Variants in WDR20 observed in about 807,000 individuals in gnomAD.
WDR20 encodes WD repeat domain 20.
In WDR20, 3 loss-of-function variants were observed where a neutral mutation model predicts 38.7. The observed-to-expected ratio is 0.08, with a 90% confidence interval of 0.04 to 0.20. WDR20 has a LOEUF of 0.20. Among genes scored for constraint, WDR20 ranks in the 10% least tolerant of loss-of-function variants. The pLI is 1.00. For synonymous variants in WDR20, 298 were observed against 285.6 expected (o/e 1.04, Z -0.44); for missense variants, 559 against 727.7 (o/e 0.77, Z 2.67).
chr14:102,219,786 A>G (rs180963432), downstream of WDR20, among the ~76,000 whole-genome samples: 42 of 152,360 alleles, frequency 2.8e-4, no homozygotes, highest in East Asian at 6.6e-3. Flanking sequence ...CTGCCATCAA[A>G]AGGGCGAAGC....
intron 1 of WDR20, among the ~76,000 whole-genome samples, chr14:102,160,128 G>A (rs2058314482): frequency 2.0e-5 from 3 of 150,862 alleles, no homozygotes; most frequent in Admixed American, 6.6e-5. Context: ...AAACTTGAAT[G>A]CGCTCAAATT....
At position 102,221,234 on chromosome 14, in the gene WDR20, C is replaced by T. The variant is rs1229616466; in HGVS notation, c.1693-1596C>T. 4.6e-5 allele frequency among the ~76,000 whole-genome samples: 7 copies of T among 152,364 alleles called. No homozygotes were observed. In the East Asian group the frequency reaches 1.3e-3, roughly 29 times the overall value. The stretch of plus-strand genomic sequence containing the variant: ...TGGCCCCTCTCCGTCTGTCCCCAGG[C>T]TGGGTCACCACCACTTTCTCCCTCT... On this transcript the variant is annotated intron_variant, in intron 3 of 3. Transcript: ENST00000335263. The surrounding 1 kb of genome is among the most constrained non-coding windows in gnomAD (Gnocchi z 4.8).
At chr14:102,213,352 G>C, downstream of WDR20, 1 of 985,436 alleles carries the variant, frequency 1.0e-6, no homozygotes. Context: ...AGTAGCCTTG[G>C]GGTCGAAATT....
chr14:102,182,385 T>G (rs1489283430), intron 1 of WDR20, among the ~76,000 whole-genome samples: 1 of 152,198 alleles, frequency 6.6e-6, no homozygotes, highest in Non-Finnish European at 1.5e-5. Flanking sequence ...TTAAATAATT[T>G]TCCTGGCCTC....
At chr14:102,159,231 C>T (rs548377378) in intron 1 of WDR20, among the ~76,000 whole-genome samples, 51 of 152,114 alleles carry the variant, frequency 3.4e-4, no homozygotes, top group African/African-American at 1.1e-3. Context: ...CATGAGCCAC[C>T]GCACCCAGCC....
At chr14:102,141,000 C>G (rs1045695827) in intron 1 of WDR20, among the ~76,000 whole-genome samples, 24 of 152,140 alleles carry the variant, frequency 1.6e-4, no homozygotes, top group African/African-American at 5.8e-4. Flanking sequence ...AAGGGACCAT[C>G]CTTCTTGGCG....
downstream of WDR20, among the ~76,000 whole-genome samples, chr14:102,219,242 G>C (rs950364417): frequency 6.6e-6 from 1 of 152,220 alleles, no homozygotes; most frequent in Non-Finnish European, 1.5e-5. Context: ...ATTCTCTTTT[G>C]AATGGCGCTT....
At chr14:102,201,638 G>A (rs1445713447) in intron 2 of WDR20, among the ~76,000 whole-genome samples, 1 of 152,216 alleles carries the variant, frequency 6.6e-6, no homozygotes, top group Non-Finnish European at 1.5e-5. Context: ...AGCGTTGAGT[G>A]GAGACATGGA....
At chr14:102,185,846 T>C (rs982068996) in intron 1 of WDR20, among the ~76,000 whole-genome samples, 1 of 152,076 alleles carries the variant, frequency 6.6e-6, no homozygotes, top group Non-Finnish European at 1.5e-5. Flanking sequence ...ATATATTTGC[T>C]TTTATATACA....
chr14:102,155,637 T>G (rs575698124), intron 1 of WDR20, among the ~76,000 whole-genome samples: 1 of 152,338 alleles, frequency 6.6e-6, no homozygotes, highest in African/African-American at 2.4e-5. Context: ...GAGGGTAGCC[T>G]GAATGGGAAA....
intron 1 of WDR20, among the ~76,000 whole-genome samples, chr14:102,187,055 T>G (rs1022725988): frequency 6.6e-6 from 1 of 152,164 alleles, no homozygotes; most frequent in Non-Finnish European, 1.5e-5. Context: ...GTTCCACTTC[T>G]TTTCTAGTAG....
At chr14:102,212,705 C>A, downstream of WDR20, 2 of 1,487,112 alleles carry the variant, frequency 1.3e-6, no homozygotes, top group South Asian at 1.3e-5. Flanking sequence ...GGGGTGGCCG[C>A]GGTGGTTCCT....
At position 102,207,111 on chromosome 14, in the gene WDR20, TATTA is replaced by T. The variant is rs988106076; in HGVS notation, c.433-1488_433-1485del. Among the ~76,000 whole-genome samples, 15 of 152,206 alleles carry T rather than the reference TATTA, an allele frequency of 9.9e-5. No individual in the cohort carries two copies. The highest frequency in any genetic ancestry group is 1.9e-4 in the Non-Finnish European group (13 of 68,038). ...CCCCAAGGCTGGCTTGCCACGTGCC[TATTA>T]ATTTAAGAGGACCAGCCATGCCGTT... On this transcript the variant is annotated intron_variant, in intron 2 of 2. Transcript: ENST00000342702. The surrounding 1 kb of genome is among the most constrained non-coding windows in gnomAD (Gnocchi z 5.0).
At chr14:102,171,278 T>G (rs1334228048) in intron 1 of WDR20, 1 of 144,876 alleles carries the variant, frequency 6.9e-6, no homozygotes, top group East Asian at 1.9e-4. Context: ...TTTTTTTTTT[T>G]TAGGAGACAG....
chr14:102,153,787 T>C (rs920118444), intron 1 of WDR20, among the ~76,000 whole-genome samples: 1 of 152,224 alleles, frequency 6.6e-6, no homozygotes, highest in Non-Finnish European at 1.5e-5. Context: ...GCTGGCTCCT[T>C]CTTGCTGTTT....
intron 2 of WDR20, among the ~76,000 whole-genome samples, chr14:102,200,036 C>T (rs72698547): frequency 7.2e-5 from 11 of 152,332 alleles, no homozygotes; most frequent in Non-Finnish European, 1.6e-4. Flanking sequence ...CCAAGTCTGG[C>T]CCTGATCAGG....
At chr14:102,147,040 C>A (rs1284382703) in intron 1 of WDR20, among the ~76,000 whole-genome samples, 1 of 152,130 alleles carries the variant, frequency 6.6e-6, no homozygotes, top group African/African-American at 2.4e-5. Flanking sequence ...CTTAATGTAT[C>A]ATTTAAAGCA....
chr14:102,154,880 T>C (rs995908044), intron 1 of WDR20, among the ~76,000 whole-genome samples: 30 of 152,226 alleles, frequency 2.0e-4, no homozygotes, highest in Non-Finnish European at 5.9e-5. Flanking sequence ...CATTTATTGT[T>C]ATTGTTCCTA....
At position 102,208,327 on chromosome 14, in the gene WDR20, C is replaced by T. The variant is rs1308223025; in HGVS notation, c.433-276C>T. Among the ~76,000 whole-genome samples, 2 of 152,232 alleles carry T rather than the reference C, an allele frequency of 1.3e-5. No individual in the cohort carries two copies. Among genetic ancestry groups the T allele is most frequent in the African/African-American group, 2.4e-5 (1 of 41,454 alleles). On this transcript the variant is annotated intron_variant, in intron 2 of 2. Coordinates refer to ENST00000342702, the MANE Select transcript of WDR20 (RefSeq NM_144574.4). The surrounding 1 kb of genome is among the most constrained non-coding windows in gnomAD (Gnocchi z 5.6). ...CCGCAGTGAACCCTGTGCCTGGCAT[C>T]GTGTCTGGCACTTAGTGGCCCCTCT...
Sources: allele counts gnomAD v4.1 joint callset (sites outside exome capture counted in the v4.1 genomes callset), GRCh38; gene constraint gnomAD v4.1.1; non-coding constraint Gnocchi (gnomAD v3.1); transcripts MANE v1.5; gene names NCBI Gene and HGNC (gene_info 2026-07-23, HGNC 2026-07-21).